STXBP6: variants seen among roughly 807,000 people sequenced by gnomAD.
STXBP6 encodes the protein syntaxin-binding protein 6.
Under a neutral mutation model 26.9 loss-of-function variants are expected in STXBP6, and 21 were observed. The ratio of observed to expected loss-of-function variants is 0.78; its 90% CI spans 0.55 to 1.12. The LOEUF (loss-of-function observed/expected upper bound fraction) is 1.12. Ranked by LOEUF, STXBP6 falls within the 50% of genes most tolerant of loss-of-function variation. STXBP6 has a pLI of 0.00. For synonymous variants in STXBP6, 97 were observed against 92.6 expected, an observed-to-expected ratio of 1.05 and a Z score of -0.27; for missense variants, 232 against 257.9, an observed-to-expected ratio of 0.90 and a Z score of 0.69.
Position 24,987,660 on chromosome 14 carries a change from C to T in STXBP6, c.-32-12810G>A, listed in dbSNP as rs372164990. 2.0e-5 allele frequency among the ~76,000 whole-genome samples: 3 copies of T among 152,230 alleles called. No individual in the cohort carries two copies. The South Asian group carries it at 6.2e-4, about 32-fold the overall frequency. On this transcript the variant is annotated intron_variant, in intron 1 of 5. Transcript: ENST00000323944. ...CACATAAAGAGAAGGAATGGGTCTT[C>T]CTCCTCCAATCCCATATCATTTCCA...
chr14:25,028,074 GAAGTGGC>G (rs2075380409), intron 1 of STXBP6, among the ~76,000 whole-genome samples: 2 of 152,234 alleles, frequency 1.3e-5, no homozygotes, highest in Non-Finnish European at 2.9e-5. Flanking sequence ...ATTGCAAGGT[GAAGTGGC>G]AAGTGCTGAT....
chr14:24,812,466 G>C lies in STXBP6; in HGVS notation c.*243C>G. On this transcript the variant is annotated 3_prime_UTR_variant, in exon 6 of 6. Coordinates refer to ENST00000323944, the MANE Select transcript of STXBP6 (RefSeq NM_001394410.1). ...ACATATACACACATACACACAGTGGGAGGAGGCAAAAACCCAAAATGAAGC... is the reference window on the plus strand; with the variant it reads ...ACATATACACACATACACACAGTGGCAGGAGGCAAAAACCCAAAATGAAGC... 5.4e-6 allele frequency: 3 copies of C among 553,396 alleles called. No individual in the cohort carries two copies. The South Asian group carries it at 6.8e-5, about 12-fold the overall frequency. The allele number at this position is 553,396 out of a possible 1,614,324, so 34.3% of individuals were successfully genotyped here.
At chr14:24,835,565 T>C (rs2068586455) in intron 4 of STXBP6, among the ~76,000 whole-genome samples, 1 of 152,208 alleles carries the variant, frequency 6.6e-6, no homozygotes, top group South Asian at 2.1e-4. Flanking sequence ...TTTAGAATAT[T>C]GTTTAAAAAG....
Position 25,049,609 on chromosome 14 carries a change from G to C in STXBP6, c.-33+269C>G. 1.0e-6 allele frequency: 1 copy of C among 985,420 alleles called. No homozygotes were observed. The highest frequency in any genetic ancestry group is 1.2e-6 in the Non-Finnish European group (1 of 829,942). The allele number at this position is 985,420 out of a possible 1,614,324, so 61.0% of individuals were successfully genotyped here. The stretch of plus-strand genomic sequence containing the variant: ...TCCGTTCTGCGGCTTGCCCAATACT[G>C]CCCGCACAACGGGTCCCAGGGTTGG... On this transcript the variant is annotated intron_variant, in intron 1 of 5. Coordinates refer to ENST00000323944, the MANE Select transcript of STXBP6 (RefSeq NM_001394410.1). This position sits in a 1 kb window ranked among gnomAD's most constrained non-coding sequence, Gnocchi z 5.6.
At chr14:24,913,148 T>A (rs574691704) in intron 2 of STXBP6, among the ~76,000 whole-genome samples, 1 of 152,118 alleles carries the variant, frequency 6.6e-6, no homozygotes, top group East Asian at 1.9e-4. Flanking sequence ...AAACCTCCAC[T>A]GAGGGGATTC....
intron 2 of STXBP6, among the ~76,000 whole-genome samples, chr14:24,921,504 G>T (rs1240332375): frequency 1.3e-5 from 2 of 152,134 alleles, no homozygotes; most frequent in Non-Finnish European, 2.9e-5. Flanking sequence ...ATCAAGAGAT[G>T]TCTCGTTTAG....
chr14:25,041,848 G>T (rs1274383636), intron 1 of STXBP6, among the ~76,000 whole-genome samples: 1 of 152,188 alleles, frequency 6.6e-6, no homozygotes. Flanking sequence ...CCCTGGCATT[G>T]TAACAAAGTA....
chr14:24,846,431 T>C (rs983996936), intron 4 of STXBP6, among the ~76,000 whole-genome samples: 10 of 152,180 alleles, frequency 6.6e-5, no homozygotes, highest in African/African-American at 2.2e-4. Flanking sequence ...CATCTCAAAT[T>C]CTCCCAAAGC....
At chr14:24,871,321 C>A (rs1166755959) in intron 2 of STXBP6, among the ~76,000 whole-genome samples, 1 of 152,120 alleles carries the variant, frequency 6.6e-6, no homozygotes, top group African/African-American at 2.4e-5. Flanking sequence ...AGCATATCCA[C>A]TGAATGAACA....
chr14:24,830,594 T>C (rs546322311), intron 4 of STXBP6, among the ~76,000 whole-genome samples: 3 of 152,190 alleles, frequency 2.0e-5, no homozygotes, highest in African/African-American at 4.8e-5. Flanking sequence ...GAGAATCAAG[T>C]ATTTCATTTA....
chr14:24,968,492 T>C (rs1044109747), intron 2 of STXBP6, among the ~76,000 whole-genome samples: 1 of 152,118 alleles, frequency 6.6e-6, no homozygotes, highest in African/African-American at 2.4e-5. Context: ...AGAGTTTCTC[T>C]CCTATGCCAG....
chr14:24,888,405 G>A (rs770199320), intron 2 of STXBP6, among the ~76,000 whole-genome samples: 3 of 152,098 alleles, frequency 2.0e-5, no homozygotes, highest in South Asian at 2.1e-4. Flanking sequence ...ACTACCTTTG[G>A]AAGTAGGGGT....
intron 2 of STXBP6, among the ~76,000 whole-genome samples, chr14:24,864,582 T>A (rs1028857621): frequency 2.0e-5 from 3 of 152,034 alleles, no homozygotes; most frequent in Non-Finnish European, 1.5e-5. Flanking sequence ...GGATGTCATG[T>A]GCACATGGAT....
intron 2 of STXBP6, among the ~76,000 whole-genome samples, chr14:24,952,587 C>A (rs1022444151): frequency 6.6e-6 from 1 of 152,130 alleles, no homozygotes; most frequent in African/African-American, 2.4e-5. Flanking sequence ...TACTCTTAAT[C>A]ATACAAATTT....
chr14:24,888,431 T>C (rs1404052456), intron 2 of STXBP6, among the ~76,000 whole-genome samples: 3 of 151,900 alleles, frequency 2.0e-5, no homozygotes, highest in Admixed American at 6.6e-5. Context: ...AGAGCTAAGA[T>C]AGAAAAAATG....
At chr14:24,977,888 T>C (rs932525758) in intron 1 of STXBP6, among the ~76,000 whole-genome samples, 1 of 152,190 alleles carries the variant, frequency 6.6e-6, no homozygotes, top group Admixed American at 6.5e-5. Flanking sequence ...TAGGGATGGT[T>C]TTGTACTAAG....
chr14:24,929,516 A>G (rs2072303694), intron 2 of STXBP6, among the ~76,000 whole-genome samples: 1 of 152,220 alleles, frequency 6.6e-6, no homozygotes, highest in Non-Finnish European at 1.5e-5. Context: ...GCAGTCCTAA[A>G]GGGCATTCAT....
intron 1 of STXBP6, among the ~76,000 whole-genome samples, chr14:24,996,462 CA>C (rs1355723640): frequency 6.6e-6 from 1 of 152,098 alleles, no homozygotes; most frequent in East Asian, 1.9e-4. Flanking sequence ...CAATAATTCA[CA>C]AAATCACTTC....
chr14:25,049,126 G>C lies in STXBP6; in HGVS notation c.-33+752C>G. ...TCCACCTGCAGGTCCTGTCCTCTGT[G>C]AAGATGAACGGGGTGGGGTGGTGAG... On this transcript the variant is annotated intron_variant, in intron 1 of 5. Coordinates refer to ENST00000323944, the MANE Select transcript of STXBP6 (RefSeq NM_001394410.1). This position sits in a 1 kb window ranked among gnomAD's most constrained non-coding sequence, Gnocchi z 5.6. 3.1e-6 allele frequency: 3 copies of C among 980,616 alleles called. No individual in the cohort carries two copies. The highest frequency in any genetic ancestry group is 3.6e-6 in the Non-Finnish European group (3 of 825,524). The allele number at this position is 980,616 out of a possible 1,614,324, so 60.7% of individuals were successfully genotyped here.
Sources: gnomAD v4.1 joint callset for allele counts (sites outside exome capture counted in the v4.1 genomes callset) on GRCh38, gnomAD v4.1.1 for gene constraint, Gnocchi (gnomAD v3.1) non-coding constraint, MANE v1.5 for transcripts, NCBI Gene and HGNC (gene_info 2026-07-23, HGNC 2026-07-21) for gene names.